The following KANK1 variants were observed in gnomAD, a reference collection of about 807,000 sequenced individuals.
KANK1 encodes KN motif and ankyrin repeat domain-containing protein 1.
In KANK1, 109 loss-of-function variants were observed where a neutral mutation model predicts 106.2. The observed-to-expected ratio is 1.03, with a 90% CI of 0.88 to 1.20. KANK1 has a LOEUF of 1.20. KANK1 is among the 50% of genes most tolerant of loss of function. The probability of loss-of-function intolerance (pLI) is 0.00; values close to 1 mark genes in which losing one functional copy is unlikely to be tolerated. For missense variants in KANK1, 2,399 were observed against 1,710.7 expected, an observed-to-expected ratio of 1.40 and a Z score of -7.10; for synonymous variants, 873 against 652.2, an observed-to-expected ratio of 1.34 and a Z score of -5.16.
chr9:623,071 C>A (rs1413010758), intron 1 of KANK1, among the ~76,000 whole-genome samples: 2 of 152,018 alleles, frequency 1.3e-5, no homozygotes, highest in Non-Finnish European at 2.9e-5. Flanking sequence ...CTACATCAAG[C>A]CAAAAAGCTT....
rs139776031 is a variant in KANK1, at chr9:725,578, G to A, written c.2699-4473G>A. 2.7e-3 allele frequency among the ~76,000 whole-genome samples: 406 copies of A among 151,740 alleles called. 1 individual carries two copies. Among genetic ancestry groups the A allele is most frequent in the African/African-American group, 9.1e-3 (375 of 41,304 alleles). Reference sequence around the variant, plus strand: ...CCAGCTCTCACTCTTTTACTATAGCGTCATTGTTTTAAACCAGTCAAAGTA... The same window carrying A: ...CCAGCTCTCACTCTTTTACTATAGCATCATTGTTTTAAACCAGTCAAAGTA... On this transcript the variant is annotated intron_variant, in intron 3 of 11. Coordinates refer to ENST00000382297, the MANE Select transcript of KANK1 (RefSeq NM_015158.5).
chr9:510,719 G>A (rs1447825675), intron 1 of KANK1, among the ~76,000 whole-genome samples: 2 of 152,112 alleles, frequency 1.3e-5, no homozygotes, highest in Admixed American at 6.5e-5. Flanking sequence ...TATATAGGCC[G>A]AAAAAAGTAC....
chr9:635,965 G>C (rs180687230), intron 1 of KANK1, among the ~76,000 whole-genome samples: 22 of 152,192 alleles, frequency 1.4e-4, no homozygotes, highest in African/African-American at 5.3e-4. Flanking sequence ...GTGAGCCACC[G>C]TGCCTGGCTT....
At chr9:710,756 A>T (rs773303912) in intron 2 of KANK1, 48 bp from the exon 3 acceptor site, 2 of 1,499,618 alleles carry the variant, frequency 1.3e-6, no homozygotes, top group African/African-American at 1.4e-5. Context: ...AGTTTTTACC[A>T]TTAGGTGTAT....
At chr9:499,877 G>T (rs114498051), upstream of KANK1, among the ~76,000 whole-genome samples, 1,853 of 152,312 alleles carry the variant, frequency 0.012, 21 homozygotes, top group African/African-American at 0.041. Flanking sequence ...TAGACAAAGA[G>T]AAGTACTTTA....
Position 710,824 on chromosome 9 carries a change from A to G in KANK1, c.58A>G (p.Ser20Gly), listed in dbSNP as rs770980449. The stretch of plus-strand genomic sequence containing the variant: ...TCTAGGAAAAGCAGGTGATATTCTC[A>G]GTGGAGACCAGGACAAGGAACAGAA... Reference protein sequence around the residue: ...SASGKAGDILSGDQDKEQKDP... With the variant: ...SASGKAGDILGGDQDKEQKDP... The change falls in exon 3 of 12, where the codon AGT (serine) becomes GGT (glycine). Residue 20 changes from serine to glycine, a missense_variant. Physicochemically the swap from Ser to Gly is moderately conservative, Grantham distance 56. Transcript: ENST00000382297. 6.3e-7 allele frequency: 1 copy of G among 1,598,364 alleles called. No homozygotes were observed. Among genetic ancestry groups the G allele is most frequent in the Non-Finnish European group, 8.5e-7 (1 of 1,174,440 alleles).
intron 2 of KANK1, among the ~76,000 whole-genome samples, chr9:698,707 T>G (rs1370377704): frequency 6.6e-6 from 1 of 152,156 alleles, no homozygotes; most frequent in African/African-American, 2.4e-5. Context: ...ATCTTACTAT[T>G]ACCACTTACC....
Position 711,876 on chromosome 9 carries a change from T to C in KANK1, c.1110T>C (p.Leu370=), listed in dbSNP as rs1014583840. 6.2e-7 allele frequency: 1 copy of C among 1,614,062 alleles called. No homozygotes were observed. Among genetic ancestry groups the C allele is most frequent in the Non-Finnish European group, 8.5e-7 (1 of 1,180,044 alleles). ...STQRIKEFRQ[L]TADMQALEQK... ...AGAGGATAAAGGAGTTCCGGCAACT[T>C]ACAGCAGACATGCAAGCCCTGGAGC... The change falls in exon 3 of 12, where the codon CTT becomes CTC. Residue 370 remains leucine (L), a synonymous_variant. Coordinates refer to ENST00000382297, the MANE Select transcript of KANK1 (RefSeq NM_015158.5).
intron 1 of KANK1, among the ~76,000 whole-genome samples, chr9:657,136 T>G (rs1449316706): frequency 1.3e-5 from 2 of 152,334 alleles, no homozygotes; most frequent in East Asian, 3.9e-4. Flanking sequence ...TTTTTGTGAT[T>G]GGCTTATTTC....
chr9:638,295 A>T (rs529834549), intron 1 of KANK1, among the ~76,000 whole-genome samples: 16 of 152,332 alleles, frequency 1.1e-4, no homozygotes, highest in Middle Eastern at 3.4e-3. Context: ...GACATGTGGT[A>T]AACGCCTTCT....
At chr9:618,932 A>G (rs559016281) in intron 1 of KANK1, among the ~76,000 whole-genome samples, 1 of 152,336 alleles carries the variant, frequency 6.6e-6, no homozygotes, top group African/African-American at 2.4e-5. Context: ...AGAAAAATAG[A>G]AAATTAGAGA....
At chr9:657,629 C>G (rs1842440170) in intron 1 of KANK1, among the ~76,000 whole-genome samples, 1 of 151,838 alleles carries the variant, frequency 6.6e-6, no homozygotes, top group Admixed American at 6.6e-5. Flanking sequence ...TGATTTGGTT[C>G]TGCCTTTTTA....
At chr9:561,773 C>A (rs979750655) in intron 1 of KANK1, among the ~76,000 whole-genome samples, 1 of 152,230 alleles carries the variant, frequency 6.6e-6, no homozygotes. Flanking sequence ...ATGACTGTTT[C>A]ATCTAGAACT....
At chr9:583,391 T>C (rs753317711) in intron 1 of KANK1, among the ~76,000 whole-genome samples, 4 of 152,182 alleles carry the variant, frequency 2.6e-5, no homozygotes, top group African/African-American at 4.8e-5. Context: ...CTTTTGTTTT[T>C]ATGATGATTA....
At chr9:585,456 A>G (rs984645077) in intron 1 of KANK1, among the ~76,000 whole-genome samples, 1 of 152,216 alleles carries the variant, frequency 6.6e-6, no homozygotes, top group South Asian at 2.1e-4. Flanking sequence ...TCAGCCTCAA[A>G]TAAAAATGAT....
intron 1 of KANK1, among the ~76,000 whole-genome samples, chr9:666,200 T>C (rs181337165): frequency 3.4e-4 from 51 of 152,114 alleles, no homozygotes; most frequent in Non-Finnish European, 1.5e-5. Flanking sequence ...AACAAAATAT[T>C]CCTGGGTATT....
At chr9:579,045 C>G (rs1354889023) in intron 1 of KANK1, among the ~76,000 whole-genome samples, 1 of 152,184 alleles carries the variant, frequency 6.6e-6, no homozygotes, top group Non-Finnish European at 1.5e-5. Context: ...AAAATGCCAG[C>G]TGAAGCAGAG....
chr9:601,973 T>C (rs946077001), intron 1 of KANK1, among the ~76,000 whole-genome samples: 8 of 151,896 alleles, frequency 5.3e-5, no homozygotes, highest in African/African-American at 1.7e-4. Flanking sequence ...GTGAGCTCTT[T>C]CCTGTGAACA....
intron 1 of KANK1, among the ~76,000 whole-genome samples, chr9:612,333 G>A (rs1830756180): frequency 6.6e-6 from 1 of 152,130 alleles, no homozygotes; most frequent in African/African-American, 2.4e-5. Flanking sequence ...AGTCTAAGAT[G>A]TCCCAGTGAT....
Sources: gnomAD v4.1 joint callset for allele counts (sites outside exome capture counted in the v4.1 genomes callset) on GRCh38, gnomAD v4.1.1 for gene constraint, MANE v1.5 for transcripts, NCBI Gene and HGNC (gene_info 2026-07-23, HGNC 2026-07-21) for gene names.